The following LPIN2 variants were observed in gnomAD, a reference collection of about 807,000 sequenced individuals.
LPIN2 encodes the protein phosphatidate phosphatase LPIN2.
In LPIN2, 55 loss-of-function variants were observed where a neutral mutation model predicts 111.4. That is an observed-to-expected ratio of 0.49 (90% CI 0.40 to 0.62). The LOEUF is 0.62. LPIN2 is among the 20% of genes least tolerant of loss of function. LPIN2 has a pLI of 0.00. For missense variants in LPIN2, 992 were observed against 1,112.1 expected (o/e 0.89, Z 1.54); for synonymous variants, 425 against 414.0 (o/e 1.03, Z -0.32).
At chr18:2,960,110 C>T (rs2077685982) in intron 2 of LPIN2, among the ~76,000 whole-genome samples, 1 of 151,266 alleles carries the variant, frequency 6.6e-6, no homozygotes, top group South Asian at 2.1e-4. Context: ...GCGGAGGTTG[C>T]AGTGAGCCAA....
intron 2 of LPIN2, among the ~76,000 whole-genome samples, chr18:2,956,325 TGTGTGTG>T (rs2077615647): frequency 6.7e-6 from 1 of 148,720 alleles, no homozygotes; most frequent in Non-Finnish European, 1.5e-5. Flanking sequence ...TGTGTGTGTG[TGTGTGTG>T]TGTGTGTGTG....
intron 2 of LPIN2, among the ~76,000 whole-genome samples, chr18:2,958,726 C>CA (rs1434047637): frequency 6.6e-6 from 1 of 152,024 alleles, no homozygotes; most frequent in East Asian, 1.9e-4. Flanking sequence ...AACGTTTTGA[C>CA]AAGATAGTAA....
chr18:2,926,726 G>A lies in LPIN2; in HGVS notation c.1790C>T (p.Ala597Val), dbSNP rs751753551. ...LPSSSKEPAG[A>V]RPAENDSSSD... ...GGGCAGAGGACAGGGCACCCACCTG[G>A]CACCGGCCGGCTCCTTGGAGCTGGA... Residue 597 changes from alanine to valine, a missense_variant, in exon 13 of 20, where the codon GCC becomes GTC. Physicochemically the swap from Ala to Val is moderately conservative, Grantham distance 64. This residue lies in a region of LPIN2 where 709 missense variants were observed against 753.2 expected (regional missense o/e 0.94). Coordinates refer to ENST00000677752, the MANE Select transcript of LPIN2 (RefSeq NM_001375808.2). The A allele has an allele frequency of 2.5e-6, 4 of 1,612,178 alleles. No homozygotes were observed. Among genetic ancestry groups the A allele is most frequent in the Non-Finnish European group, 2.5e-6 (3 of 1,179,894 alleles).
intron 1 of LPIN2, among the ~76,000 whole-genome samples, chr18:2,984,218 G>C (rs1287353678): frequency 6.6e-6 from 1 of 152,076 alleles, no homozygotes. Context: ...AATTAGAAAT[G>C]GCAAAACTTA....
At chr18:2,927,929 T>A (rs1208054106) in intron 11 of LPIN2, 118 bp from the exon 12 acceptor site, 10 of 828,112 alleles carry the variant, frequency 1.2e-5, no homozygotes. Context: ...ACCGATGCTC[T>A]CTTCACACCT....
At chr18:2,923,124 G>T (rs967185420) in intron 16 of LPIN2, among the ~76,000 whole-genome samples, 2 of 152,052 alleles carry the variant, frequency 1.3e-5, no homozygotes, top group African/African-American at 4.8e-5. Context: ...TCTACTCAAA[G>T]AAATACAATT....
At chr18:2,971,979 G>A (rs2077923917) in intron 1 of LPIN2, among the ~76,000 whole-genome samples, 1 of 152,038 alleles carries the variant, frequency 6.6e-6, no homozygotes, top group Admixed American at 6.6e-5. Context: ...CCCAGGAGGT[G>A]GAGGTTGCAG....
In LPIN2 at chr18:2,920,170, C is replaced by G; in HGVS notation, c.*123G>C. 5 of 1,353,094 alleles carry G rather than the reference C, an allele frequency of 3.7e-6. No individual in the cohort carries two copies. The highest frequency in any genetic ancestry group is 1.4e-5 in the African/African-American group (1 of 69,940). 83.8% of individuals were successfully genotyped at this position (1,353,094 alleles called of 1,614,324 possible). On this transcript the variant is annotated 3_prime_UTR_variant, in exon 20 of 20. Transcript: ENST00000677752. ...GGGAAGGCAAAGGAGGATGGCGGGACCAGCTCCAGAAGCACCCGTCCCCGC... is the reference window on the plus strand; with the variant it reads ...GGGAAGGCAAAGGAGGATGGCGGGAGCAGCTCCAGAAGCACCCGTCCCCGC...
intron 1 of LPIN2, among the ~76,000 whole-genome samples, chr18:3,004,395 T>C (rs1470425656): frequency 6.6e-6 from 1 of 152,184 alleles, no homozygotes; most frequent in Non-Finnish European, 1.5e-5. Context: ...TTCCTCTCTT[T>C]GTACTCTGTC....
chr18:3,000,402 C>T (rs928388513), intron 1 of LPIN2, among the ~76,000 whole-genome samples: 5 of 152,162 alleles, frequency 3.3e-5, no homozygotes, highest in African/African-American at 1.2e-4. Flanking sequence ...ACCAGGTGCC[C>T]AGCTCAAAGG....
At chr18:2,935,200 A>G (rs1373435522) in intron 7 of LPIN2, among the ~76,000 whole-genome samples, 1 of 152,256 alleles carries the variant, frequency 6.6e-6, no homozygotes, top group East Asian at 1.9e-4. Flanking sequence ...TATTGATTAC[A>G]TATTAAAATT....
At position 2,939,626 on chromosome 18, in the gene LPIN2, C is replaced by T. The variant is rs753212437; in HGVS notation, c.699-23G>A. On this transcript the variant is annotated intron_variant, in intron 5 of 19. Coordinates refer to ENST00000677752, the MANE Select transcript of LPIN2 (RefSeq NM_001375808.2). ...GTGCTGCAAAGAGAACAAAGACACA[C>T]GATGACTTGAAAGTCGGGAAACCTT... 2.2e-5 allele frequency: 35 copies of T among 1,610,736 alleles called. No homozygotes were observed. The East Asian group carries it at 3.3e-4, about 15-fold the overall frequency.
At chr18:3,000,354 T>G (rs1329978858) in intron 1 of LPIN2, among the ~76,000 whole-genome samples, 1 of 152,086 alleles carries the variant, frequency 6.6e-6, no homozygotes, top group Non-Finnish European at 1.5e-5. Flanking sequence ...AGAAATTTCC[T>G]GGCGTCAGAA....
chr18:2,976,798 A>G (rs1481153121), intron 1 of LPIN2, among the ~76,000 whole-genome samples: 1 of 152,220 alleles, frequency 6.6e-6, no homozygotes, highest in Non-Finnish European at 1.5e-5. Context: ...ATGGAAAATG[A>G]TACTTCACCA....
At chr18:2,987,342 A>C (rs1035038614) in intron 1 of LPIN2, among the ~76,000 whole-genome samples, 16 of 152,222 alleles carry the variant, frequency 1.1e-4, no homozygotes, top group African/African-American at 3.4e-4. Flanking sequence ...CCAGATCAAA[A>C]AGTGAGATAG....
intron 4 of LPIN2, among the ~76,000 whole-genome samples, chr18:2,948,632 G>A (rs748349959): frequency 2.0e-5 from 3 of 152,080 alleles, no homozygotes; most frequent in African/African-American, 7.3e-5. Flanking sequence ...GTAGATCTTG[G>A]AAGAATTTTA....
intron 6 of LPIN2, 38 bp from the exon 7 acceptor site, chr18:2,938,075 C>G: frequency 6.8e-7 from 1 of 1,480,746 alleles, no homozygotes; most frequent in Non-Finnish European, 9.4e-7. Flanking sequence ...AAACTACTTT[C>G]AGAGTATTTG....
intron 1 of LPIN2, among the ~76,000 whole-genome samples, chr18:2,992,995 AT>A (rs1382910909): frequency 3.0e-5 from 4 of 132,144 alleles, no homozygotes; most frequent in Admixed American, 1.6e-4. Flanking sequence ...AAAAAAAAAA[AT>A]TTAAATATTA....
chr18:2,990,641 C>A, intron 1 of LPIN2: 1 of 183,834 alleles, frequency 5.4e-6, no homozygotes, highest in East Asian at 1.5e-4. Context: ...AAGAGAGTGG[C>A]CAATGGCCGT....
Sources: gnomAD v4.1 joint callset for allele counts (sites outside exome capture counted in the v4.1 genomes callset) on GRCh38, gnomAD v4.1.1 for gene constraint, gnomAD v4.1.1 regional missense constraint, MANE v1.5 for transcripts, NCBI Gene and HGNC (gene_info 2026-07-23, HGNC 2026-07-21) for gene names.